Variants in NSFL1C observed in about 807,000 individuals in gnomAD.
The protein encoded by NSFL1C is NSFL1 cofactor p47.
NSFL1C carries 14 observed loss-of-function variants against 43.1 expected under a neutral mutation model. The observed-to-expected ratio is 0.32, with a 90% CI of 0.21 to 0.51. The LOEUF (loss-of-function observed/expected upper bound fraction) is 0.51, where lower values mean the gene tolerates loss of function less well. Among genes scored for constraint, NSFL1C ranks in the 20% least tolerant of loss-of-function variants. The probability of loss-of-function intolerance (pLI) is 0.98; values close to 1 mark genes in which losing one functional copy is unlikely to be tolerated. For synonymous variants in NSFL1C, 171 were observed against 183.5 expected (o/e 0.93, Z 0.55); for missense variants, 406 against 472.5 (o/e 0.86, Z 1.30).
Position 1,446,052 on chromosome 20 carries a change from C to T in NSFL1C, c.786-222G>A, listed in dbSNP as rs922566443. ...CATATATTTCATACGTTATTGCTAGCTCCCTCGCTCCTGAGTAATGTGGGC... is the reference window on the plus strand; with the variant it reads ...CATATATTTCATACGTTATTGCTAGTTCCCTCGCTCCTGAGTAATGTGGGC... On this transcript the variant is annotated intron_variant, in intron 7 of 8. Coordinates refer to ENST00000216879, the MANE Select transcript of NSFL1C (RefSeq NM_016143.5). 1.0e-5 allele frequency: 6 copies of T among 583,636 alleles called. No individual in the cohort carries two copies. The African/African-American group carries it at 1.1e-4, about 11-fold the overall frequency. The allele number at this position is 583,636 out of a possible 1,614,324, so 36.2% of individuals were successfully genotyped here. A position where few individuals can be genotyped will look rare whatever the true frequency, so the allele number is the denominator to read the frequency against.
Position 1,464,336 on chromosome 20 carries a change from C to T in NSFL1C, c.196G>A (p.Ala66Thr), listed in dbSNP as rs775118258. ...ATTGAAGCTGGCCCTTACCTGGGGGCTGTGCCTCTGGACACTGAACTGGGG... is the reference window on the plus strand; with the variant it reads ...ATTGAAGCTGGCCCTTACCTGGGGGTTGTGCCTCTGGACACTGAACTGGGG... ...ATPSSVSRGT[A>T]PSDNRVTSFR... Residue 66 changes from alanine (A) to threonine (T), a missense_variant, in exon 2 of 9, where the codon GCC (alanine) becomes ACC (threonine). By Grantham distance (58) the Ala-to-Thr change is moderately conservative. Transcript: ENST00000216879. 6.2e-7 allele frequency: 1 copy of T among 1,614,002 alleles called. No individual in the cohort carries two copies. Among genetic ancestry groups the T allele is most frequent in the Non-Finnish European group, 8.5e-7 (1 of 1,179,828 alleles).
intron 1 of NSFL1C, among the ~76,000 whole-genome samples, chr20:1,465,056 G>A (rs2090482758): frequency 6.6e-6 from 1 of 152,152 alleles, no homozygotes; most frequent in African/African-American, 2.4e-5. Context: ...CTGCACACTG[G>A]ATGAGATAAT....
Position 1,443,906 on chromosome 20 carries a change from C to T in NSFL1C, c.956G>A (p.Ser319Asn), listed in dbSNP as rs772346969. Residue 319 changes from serine (S) to asparagine (N), a missense_variant, in exon 9 of 9, where the codon AGC becomes AAC. By Grantham distance (46) the Ser-to-Asn change is conservative. Around this residue, in one of 3 missense-constraint regions of NSFL1C, gnomAD observed 196 missense variants for 228.0 expected, o/e 0.86. Coordinates refer to ENST00000216879, the MANE Select transcript of NSFL1C (RefSeq NM_016143.5). ...ATCCACGATGAAGAGTCGGATGTCG[C>T]TGATCCTGCAGGAGTTGGGGAAGCG... ...VQKFNHSHRI[S>N]DIRLFIVDAR... 1 of 1,610,592 alleles carries T rather than the reference C, an allele frequency of 6.2e-7. No homozygotes were observed. Among genetic ancestry groups the T allele is most frequent in the Non-Finnish European group, 8.5e-7 (1 of 1,179,566 alleles).
At chr20:1,466,458 GCGCCCGAAGTCT>G (rs1320508977) in intron 1 of NSFL1C, among the ~76,000 whole-genome samples, 3 of 152,212 alleles carry the variant, frequency 2.0e-5, no homozygotes, top group Non-Finnish European at 2.9e-5. Context: ...GGCTGCCGCA[GCGCCCGAAGTCT>G]CGCTGACGCC....
intron 5 of NSFL1C, 60 bp downstream of exon 5, chr20:1,454,153 C>T: frequency 7.4e-7 from 1 of 1,357,810 alleles, no homozygotes; most frequent in Non-Finnish European, 1.1e-6. Context: ...TAACCAATCC[C>T]TTCAGAAAAA....
At chr20:1,445,458 G>C (rs2090037923) in intron 8 of NSFL1C, among the ~76,000 whole-genome samples, 1 of 152,178 alleles carries the variant, frequency 6.6e-6, no homozygotes, top group Admixed American at 6.5e-5. Context: ...AGGGGGAAGT[G>C]AACAGTCACT....
At chr20:1,445,303 C>T (rs1408046759) in intron 8 of NSFL1C, among the ~76,000 whole-genome samples, 5 of 152,146 alleles carry the variant, frequency 3.3e-5, no homozygotes, top group African/African-American at 1.2e-4. Flanking sequence ...TGACACTGCA[C>T]CCCCTTCTCC....
In NSFL1C at chr20:1,443,528, A is replaced by AT. The variant is rs3215612; in HGVS notation, c.*220dup. ...TCCTTCAATTTTTTTGGTTGTTTTT[A>AT]TTTTTTTTTTCATTAAAGTCCATTG... On this transcript the variant is annotated 3_prime_UTR_variant, in exon 9 of 9. Coordinates refer to ENST00000216879, the MANE Select transcript of NSFL1C (RefSeq NM_016143.5). The AT allele has an allele frequency of 8.0e-3, 3,159 of 396,856 alleles. No individual in the cohort carries two copies. Among genetic ancestry groups the AT allele is most frequent in the East Asian group, 0.011 (297 of 26,336 alleles). The allele number at this position is 396,856 out of a possible 1,614,324, so 24.6% of individuals were successfully genotyped here.
chr20:1,455,349 C>G (rs186485158), intron 3 of NSFL1C, among the ~76,000 whole-genome samples: 5 of 152,286 alleles, frequency 3.3e-5, no homozygotes, highest in African/African-American at 4.8e-5. Flanking sequence ...GAAGGACAGC[C>G]AAGGCTTCCT....
At chr20:1,462,893 T>G (rs937628508) in intron 2 of NSFL1C, among the ~76,000 whole-genome samples, 3 of 152,064 alleles carry the variant, frequency 2.0e-5, no homozygotes, top group Non-Finnish European at 4.4e-5. Flanking sequence ...CAATTGAGAA[T>G]GAATGCTAAA....
At chr20:1,459,706 G>A (rs1339484190) in intron 2 of NSFL1C, among the ~76,000 whole-genome samples, 2 of 152,294 alleles carry the variant, frequency 1.3e-5, no homozygotes, top group East Asian at 1.9e-4. Context: ...TGGCTCCTGA[G>A]AACAGTCTGC....
At position 1,458,933 on chromosome 20, in the gene NSFL1C, T is replaced by C. The variant is rs181845763; in HGVS notation, c.204-659A>G. Among the ~76,000 whole-genome samples, 94 of 152,298 alleles carry C rather than the reference T, an allele frequency of 6.2e-4. 2 individuals carry two copies. The highest frequency in any genetic ancestry group is 6.1e-3 in the Admixed American group (93 of 15,300). ...GTATTTATTTTTAGAAAAAAAGCAG[T>C]GTTGTATGGGATGGGCACAACTAAA... On this transcript the variant is annotated intron_variant, in intron 2 of 8. Coordinates refer to ENST00000216879, the MANE Select transcript of NSFL1C (RefSeq NM_016143.5).
chr20:1,446,690 T>A (rs567398314), intron 7 of NSFL1C, among the ~76,000 whole-genome samples: 1 of 150,476 alleles, frequency 6.6e-6, no homozygotes, highest in African/African-American at 2.4e-5. Context: ...CACATAGGAC[T>A]CCCAATTCTC....
Position 1,450,342 on chromosome 20 carries a change from GT to G in NSFL1C, c.785+2150del, listed in dbSNP as rs149271183. ...CACTTAACTTTATAAAACTGTGGCT[GT>G]TTTTTTTTTAAGCTAAGTTTTCATA... On this transcript the variant is annotated intron_variant, in intron 7 of 8. Transcript: ENST00000216879. Among the ~76,000 whole-genome samples, 125 of 148,304 alleles carry G rather than the reference GT, an allele frequency of 8.4e-4. 3 individuals carry two copies. In the South Asian group the frequency reaches 0.017, roughly 20 times the overall value.
At chr20:1,449,457 A>ATCAT (rs1227983938) in intron 7 of NSFL1C, among the ~76,000 whole-genome samples, 1 of 152,218 alleles carries the variant, frequency 6.6e-6, no homozygotes, top group Non-Finnish European at 1.5e-5. Flanking sequence ...ATAAGAGCAC[A>ATCAT]TCATTCAAAG....
intron 3 of NSFL1C, chr20:1,457,181 T>A (rs1221191902): frequency 6.6e-6 from 1 of 152,204 alleles, no homozygotes; most frequent in Non-Finnish European, 1.5e-5. Context: ...TATTCTGTTT[T>A]TTACATGATG....
At chr20:1,449,105 G>A (rs1568616020) in intron 7 of NSFL1C, among the ~76,000 whole-genome samples, 1 of 152,186 alleles carries the variant, frequency 6.6e-6, no homozygotes, top group Non-Finnish European at 1.5e-5. Flanking sequence ...ACCCAGCTCT[G>A]CACTGGCCAG....
chr20:1,459,254 T>TTCTCATGATAGTGAGTGAGC (rs1695426230), intron 2 of NSFL1C, among the ~76,000 whole-genome samples: 1 of 152,216 alleles, frequency 6.6e-6, no homozygotes, highest in Admixed American at 6.5e-5. Context: ...CCTCATGCTG[T>TTCTCATGATAGTGAGTGAGC]TCTCATGATA....
At chr20:1,445,946 G>C (rs1330525091) in intron 7 of NSFL1C, 116 bp from the exon 8 acceptor site, 1 of 1,131,110 alleles carries the variant, frequency 8.8e-7, no homozygotes, top group East Asian at 2.4e-5. Context: ...GTTTGGTGCT[G>C]CTGATCTATT....
Sources: allele counts gnomAD v4.1 joint callset (sites outside exome capture counted in the v4.1 genomes callset), GRCh38; gene constraint gnomAD v4.1.1; regional missense constraint gnomAD v4.1.1; transcripts MANE v1.5; gene names NCBI Gene and HGNC (gene_info 2026-07-23, HGNC 2026-07-21).